ABCA7: variants seen among roughly 807,000 people sequenced by gnomAD.
ABCA7 encodes the protein phospholipid-transporting ATPase ABCA7.
Under a neutral mutation model 227.6 loss-of-function variants are expected in ABCA7, and 261 were observed. The ratio of observed to expected loss-of-function variants is 1.15; its 90% confidence interval spans 1.04 to 1.27. The LOEUF (loss-of-function observed/expected upper bound fraction) is 1.27, where lower values mean the gene tolerates loss of function less well. ABCA7 is among the 50% of genes most tolerant of loss of function. ABCA7 has a pLI of 0.00. For synonymous variants in ABCA7, 1,488 were observed against 1,279.7 expected, an observed-to-expected ratio of 1.16 and a Z score of -3.47; for missense variants, 3,331 against 2,924.5, an observed-to-expected ratio of 1.14 and a Z score of -3.21.
chr19:1,054,563 C>A lies in ABCA7; in HGVS notation c.3727-7C>A. The A allele has an allele frequency of 1.2e-6, 2 of 1,607,208 alleles. No homozygotes were observed. The highest frequency in any genetic ancestry group is 1.1e-5 in the South Asian group (1 of 90,902). ...TGGAAGCAGCAGCTGATGGGCTGGT[C>A]CCCCAGATCGTGCTGCCTGCCCTCT... On this transcript the variant is annotated splice_region_variant and splice_polypyrimidine_tract_variant and intron_variant, in intron 27 of 46. Transcript: ENST00000263094. The surrounding 1 kb of genome is among the most constrained non-coding windows in gnomAD (Gnocchi z 4.8).
In ABCA7 at chr19:1,041,417, G is replaced by T. The variant is rs1327041356; in HGVS notation, c.56G>T (p.Arg19Leu). 3 of 1,613,856 alleles carry T rather than the reference G, an allele frequency of 1.9e-6. No homozygotes were observed. Among genetic ancestry groups the T allele is most frequent in the Non-Finnish European group, 2.5e-6 (3 of 1,180,044 alleles). The change falls in exon 2 of 47, where the codon CGG becomes CTG. Residue 19 changes from arginine to leucine, a missense_variant. Arg to Leu is a moderately radical substitution (Grantham distance 102, BLOSUM62 -2). Transcript: ENST00000263094. The part of the protein sequence containing the change: ...LLLWKNFMYR[R>L]RQPVQLLVEL... ...CTCTGGAAGAATTTCATGTATCGCC[G>T]GAGACAGCCGGTAACGCCCCAGTGT... is the stretch of plus-strand genomic sequence containing the variant.
rs1178989851 is a variant in ABCA7, at chr19:1,046,807, T to A, written c.1628T>A (p.Leu543Gln). The A allele has an allele frequency of 1.3e-6, 2 of 1,537,368 alleles. No homozygotes were observed. Among genetic ancestry groups the A allele is most frequent in the African/African-American group, 2.7e-5 (2 of 73,042 alleles). The stretch of plus-strand genomic sequence containing the variant: ...CCCAGCCGTCCCCACCCCAGGTTCC[T>A]GCGTGTGCTGAGCCGGTCGCTGCCG... ...PYPCYVDDVF[L>Q]RVLSRSLPLF... The change falls in exon 14 of 47, where the codon CTG (leucine) becomes CAG (glutamine). Residue 543 changes from leucine (L) to glutamine (Q), a missense_variant. Leu to Gln is a moderately radical substitution (Grantham distance 113). Transcript: ENST00000263094.
chr19:1,041,247 TG>T lies in ABCA7; in HGVS notation c.-112del. The T allele has an allele frequency of 9.4e-7, 1 of 1,064,890 alleles. No homozygotes were observed. Among genetic ancestry groups the T allele is most frequent in the Non-Finnish European group, 1.4e-6 (1 of 690,582 alleles). 66.0% of individuals were successfully genotyped at this position (1,064,890 alleles called of 1,614,324 possible). On this transcript the variant is annotated 5_prime_UTR_variant, in exon 2 of 47. Coordinates refer to ENST00000263094, the MANE Select transcript of ABCA7 (RefSeq NM_019112.4). ...CAGAGCTTCCAGGAACCCTGCGCTGTGGGATAAAGGAATGAGGTTCAGAAAG... is the reference window on the plus strand; with the variant it reads ...CAGAGCTTCCAGGAACCCTGCGCTGTGGATAAAGGAATGAGGTTCAGAAAG...
rs541206453 is a variant in ABCA7 at position 1,041,955 on chromosome 19, C to G, written c.285C>G (p.Ser95Arg). 6.3e-7 allele frequency: 1 copy of G among 1,587,496 alleles called. No homozygotes were observed. Among genetic ancestry groups the G allele is most frequent in the Non-Finnish European group, 8.5e-7 (1 of 1,172,644 alleles). The change falls in exon 4 of 47, where the codon AGC becomes AGG. Residue 95 changes from serine to arginine, a missense_variant. Physicochemically the swap from Ser to Arg is moderately radical, Grantham distance 110. Coordinates refer to ENST00000263094, the MANE Select transcript of ABCA7 (RefSeq NM_019112.4). ...CGGGCGAGGAGCCCGGGCGCCTGAG[C>G]AACTTCAACGACTCCCTGTGAGCCA... is the stretch of plus-strand genomic sequence containing the variant. ...LTPGEEPGRL[S>R]NFNDSLVSRL...
chr19:1,052,135 C>T lies in ABCA7; in HGVS notation c.3147+9C>T, dbSNP rs111756366. ...TGACCACCAATGAGAAGGTGGGGAC[C>T]GGCCTTCTCCTGACCCCTGACCCCC... is the stretch of plus-strand genomic sequence containing the variant. On this transcript the variant is annotated intron_variant, in intron 22 of 46. Coordinates refer to ENST00000263094, the MANE Select transcript of ABCA7 (RefSeq NM_019112.4). 323 of 1,611,524 alleles carry T rather than the reference C, an allele frequency of 2.0e-4. 2 individuals are homozygous for T. The African/African-American group carries it at 3.4e-3, about 17-fold the overall frequency.
rs770038083 is a variant in ABCA7, at chr19:1,046,386, T to G, written c.1602T>G (p.Tyr534Ter). ...GCCTCTACCTGCAGCAGATGCCCTA[T>G]CCGTGCTATGTGGACGACGTGTGAG... ...RAGLYLQQMPYPCYVDDVFLR... is the reference protein window; with the variant it reads ...RAGLYLQQMP Residue 534 changes from tyrosine to a stop codon, truncating the protein, a stop_gained, in exon 13 of 47, where the codon TAT becomes TAG. Transcript: ENST00000263094. LOFTEE classifies it high-confidence loss of function. 2.7e-5 allele frequency: 43 copies of G among 1,580,640 alleles called. No individual in the cohort carries two copies. The highest frequency in any genetic ancestry group is 3.4e-5 in the Non-Finnish European group (40 of 1,166,974).
intron 6 of ABCA7, 169 bp downstream of exon 6, chr19:1,042,566 A>G (rs1232444187): frequency 1.4e-5 from 14 of 1,023,816 alleles, no homozygotes; most frequent in Non-Finnish European, 2.1e-5. Flanking sequence ...AGTGTGTCTG[A>G]CCCAGTGAGG....
intron 16 of ABCA7, 142 bp downstream of exon 16, chr19:1,047,796 T>C (rs1210477516): frequency 2.2e-6 from 2 of 905,460 alleles, no homozygotes; most frequent in East Asian, 3.0e-5. Context: ...GGCACACGCA[T>C]GCAGGTGGCT....
intron 35 of ABCA7, 114 bp from the exon 36 acceptor site, chr19:1,057,801 C>T (rs943952383): frequency 4.6e-6 from 6 of 1,312,066 alleles, no homozygotes; most frequent in Non-Finnish European, 6.2e-6. Flanking sequence ...CAGAAATGTG[C>T]TTTGGGTGAA....
intron 16 of ABCA7, 106 bp from the exon 17 acceptor site, chr19:1,048,789 A>G: frequency 1.8e-6 from 1 of 570,172 alleles, no homozygotes; most frequent in South Asian, 3.5e-5. Context: ...AGCCTGGGCA[A>G]CAGAGCAAGA....
intron 17 of ABCA7, 41 bp from the exon 18 acceptor site, chr19:1,049,225 C>T (rs749598384): frequency 3.9e-6 from 6 of 1,552,736 alleles, no homozygotes; most frequent in Non-Finnish European, 5.2e-6. Context: ...GGCCCCAGGA[C>T]CCCCATGACC....
intron 42 of ABCA7, 114 bp downstream of exon 42, chr19:1,062,427 C>G: frequency 6.7e-7 from 1 of 1,492,822 alleles, no homozygotes; most frequent in Non-Finnish European, 9.0e-7. Context: ...ATCCCTGTCC[C>G]TGCCCCCAGA....
chr19:1,057,276 C>T (rs774098800), intron 34 of ABCA7, 38 bp from the exon 35 acceptor site: 8 of 1,610,288 alleles, frequency 5.0e-6, no homozygotes, highest in Non-Finnish European at 6.8e-6. Flanking sequence ...GTGCCCACCT[C>T]TTTAGGCTGA....
intron 16 of ABCA7, among the ~76,000 whole-genome samples, chr19:1,048,132 A>G (rs1037915025): frequency 7.0e-6 from 1 of 143,300 alleles, no homozygotes; most frequent in African/African-American, 2.6e-5. Flanking sequence ...CAGGAGGTTG[A>G]GGCTGCTGTG....
Position 1,065,485 on chromosome 19 carries a change from G to A in ABCA7, c.*60G>A, listed in dbSNP as rs886238855. 3.2e-6 allele frequency: 5 copies of A among 1,582,136 alleles called. No homozygotes were observed. ...GGGAATGGCAAGGGCAAGGTAGAGT[G>A]CCTAGGAGCCCTGGACTCAGGCTGG... On this transcript the variant is annotated 3_prime_UTR_variant, in exon 47 of 47. Coordinates refer to ENST00000263094, the MANE Select transcript of ABCA7 (RefSeq NM_019112.4).
At chr19:1,057,135 C>A (rs1226794683) in intron 34 of ABCA7, 51 bp downstream of exon 34, 1 of 1,581,130 alleles carries the variant, frequency 6.3e-7, no homozygotes, top group Non-Finnish European at 8.6e-7. Context: ...TTGCCACTGC[C>A]CTGTCTGGCC....
chr19:1,043,696 G>T (rs1425858925), intron 9 of ABCA7, 29 bp from the exon 10 acceptor site: 3 of 1,606,256 alleles, frequency 1.9e-6, no homozygotes, highest in South Asian at 1.1e-5. Context: ...GGAGGAGAGG[G>T]TCATCAGTGG....
Position 1,051,231 on chromosome 19 carries a change from G to A in ABCA7, c.2761G>A (p.Asp921Asn), listed in dbSNP as rs747015987. The A allele has an allele frequency of 3.1e-6, 5 of 1,610,720 alleles. No individual in the cohort carries two copies. Among genetic ancestry groups the A allele is most frequent in the Non-Finnish European group, 3.4e-6 (4 of 1,179,678 alleles). ...TGCCGCTGTAGTGGGCCCCGAGCAG[G>A]ACCGTCTGCTGCAGGATGTGGGGCT... ...LSAAVVGPEQ[D>N]RLLQDVGLVS... Residue 921 changes from aspartate (D) to asparagine (N), a missense_variant, in exon 20 of 47, where the codon GAC (aspartate) becomes AAC (asparagine). Asp to Asn is a conservative substitution (Grantham distance 23). Transcript: ENST00000263094.
In ABCA7 at chr19:1,054,820, G is replaced by T. The variant is rs371891949; in HGVS notation, c.3892G>T (p.Glu1298Ter). ...GGACCCTGGACGTGCCCGGCTGCTC[G>T]AGGCGCTGCTGCAGGAGGCAGGACT... Reference protein sequence around the residue: ...PGDPGRARLLEALLQEAGLEE... With the variant: ...PGDPGRARLL The change falls in exon 29 of 47, where the codon GAG becomes TAG. Residue 1298 changes from glutamate (E) to a stop codon, truncating the protein, a stop_gained. Transcript: ENST00000263094. LOFTEE classifies it high-confidence loss of function. This position sits in a 1 kb window ranked among gnomAD's most constrained non-coding sequence, Gnocchi z 4.8. 1 of 1,578,032 alleles carries T rather than the reference G, an allele frequency of 6.3e-7. No individual in the cohort carries two copies. Among genetic ancestry groups the T allele is most frequent in the African/African-American group, 1.4e-5 (1 of 73,982 alleles).
Sources: gnomAD v4.1 joint callset for allele counts (sites outside exome capture counted in the v4.1 genomes callset) on GRCh38, gnomAD v4.1.1 for gene constraint, Gnocchi (gnomAD v3.1) non-coding constraint, MANE v1.5 for transcripts, NCBI Gene and HGNC (gene_info 2026-07-23, HGNC 2026-07-21) for gene names.